Variants in DENND5B observed in about 807,000 individuals in gnomAD.
The protein encoded by DENND5B is DENN domain-containing protein 5B.
DENND5B carries 34 observed loss-of-function variants against 140.6 expected under a neutral mutation model. The observed-to-expected ratio is 0.24, with a 90% CI of 0.18 to 0.32. The LOEUF (loss-of-function observed/expected upper bound fraction) is 0.32. DENND5B is among the 10% of genes least tolerant of loss of function. The pLI is 1.00. For missense variants in DENND5B, 1,142 were observed against 1,560.2 expected, an observed-to-expected ratio of 0.73 and a Z score of 4.52; for synonymous variants, 551 against 562.1, an observed-to-expected ratio of 0.98 and a Z score of 0.28.
intron 1 of DENND5B, among the ~76,000 whole-genome samples, chr12:31,527,026 G>A (rs1193984394): frequency 6.6e-6 from 1 of 152,144 alleles, no homozygotes; most frequent in Non-Finnish European, 1.5e-5. Flanking sequence ...TGCCACCATG[G>A]TGCTTATAGT....
chr12:31,562,019 C>CT (rs1163439712), intron 1 of DENND5B, among the ~76,000 whole-genome samples: 1 of 152,220 alleles, frequency 6.6e-6, no homozygotes, highest in Non-Finnish European at 1.5e-5. Flanking sequence ...TAATTGGGTA[C>CT]TTCCCATATA....
chr12:31,530,240 GCCCATGACTGTAGT>G (rs1008478498), intron 1 of DENND5B, among the ~76,000 whole-genome samples: 2 of 152,146 alleles, frequency 1.3e-5, no homozygotes, highest in Non-Finnish European at 2.9e-5. Context: ...GGGCGTGGTG[GCCCATGACTGTAGT>G]CCCAGCTACT....
chr12:31,413,689 C>T (rs1565555432), intron 12 of DENND5B, 125 bp from the exon 13 acceptor site: 1 of 1,031,450 alleles, frequency 9.7e-7, no homozygotes, highest in Non-Finnish European at 1.3e-6. Flanking sequence ...GGATAATATA[C>T]AATTGATGTT....
intron 1 of DENND5B, among the ~76,000 whole-genome samples, chr12:31,516,477 CAAAAA>C (rs58069719): frequency 1.0e-4 from 7 of 68,668 alleles, no homozygotes; most frequent in African/African-American, 1.6e-4. Flanking sequence ...GACCCTGTCT[CAAAAA>C]AAAAAAAAAA....
chr12:31,509,003 TAAAAC>T (rs1439965993), intron 1 of DENND5B, among the ~76,000 whole-genome samples: 1 of 152,028 alleles, frequency 6.6e-6, no homozygotes, highest in Non-Finnish European at 1.5e-5. Flanking sequence ...AAAATTAACA[TAAAAC>T]AAAGCAACCA....
intron 1 of DENND5B, among the ~76,000 whole-genome samples, chr12:31,578,164 C>T (rs1555176670): frequency 7.0e-6 from 1 of 143,034 alleles, no homozygotes. Flanking sequence ...ACAACCCTAA[C>T]ATTATTAACT....
intron 1 of DENND5B, among the ~76,000 whole-genome samples, chr12:31,532,309 A>G (rs1408353501): frequency 6.6e-6 from 1 of 152,160 alleles, no homozygotes; most frequent in African/African-American, 2.4e-5. Context: ...CAAAATCAAA[A>G]TAAGCCCAAT....
chr12:31,528,053 A>G (rs1948149232), intron 1 of DENND5B, among the ~76,000 whole-genome samples: 1 of 152,218 alleles, frequency 6.6e-6, no homozygotes, highest in Admixed American at 6.5e-5. Flanking sequence ...CTGAAATCCT[A>G]AACAGGAGAA....
chr12:31,514,318 A>G (rs1487508032), intron 1 of DENND5B, among the ~76,000 whole-genome samples: 2 of 152,220 alleles, frequency 1.3e-5, no homozygotes, highest in Non-Finnish European at 2.9e-5. Context: ...AGCACACTCT[A>G]TGATGTTTGC....
chr12:31,554,320 T>G (rs1423506029), intron 1 of DENND5B, among the ~76,000 whole-genome samples: 2 of 152,246 alleles, frequency 1.3e-5, no homozygotes, highest in African/African-American at 4.8e-5. Context: ...CCTTCACTTA[T>G]GAAGCTTAGT....
Position 31,393,634 on chromosome 12 carries a change from C to T in DENND5B, c.3257-938G>A, listed in dbSNP as rs116849049. Among the ~76,000 whole-genome samples the T allele has an allele frequency of 4.9e-3, 751 of 152,300 alleles. 5 individuals carry two copies. Among genetic ancestry groups the T allele is most frequent in the Middle Eastern group, 0.01 (3 of 294 alleles). On this transcript the variant is annotated intron_variant, in intron 17 of 20. Coordinates refer to ENST00000389082, the MANE Select transcript of DENND5B (RefSeq NM_144973.4). ...ACACTATAAAGGAAAACCCATACAT[C>T]CTCATGTTTAAGAATCTCTGAATTC...
At chr12:31,488,771 ATTTG>A (rs1215152238) in intron 2 of DENND5B, among the ~76,000 whole-genome samples, 16 of 152,224 alleles carry the variant, frequency 1.1e-4, no homozygotes, top group African/African-American at 2.2e-4. Context: ...ATAAATCAAG[ATTTG>A]TTTATCACGG....
At chr12:31,563,322 C>A (rs181060846) in intron 1 of DENND5B, among the ~76,000 whole-genome samples, 1 of 152,208 alleles carries the variant, frequency 6.6e-6, no homozygotes, top group Non-Finnish European at 1.5e-5. Flanking sequence ...TGATCCTACT[C>A]TTTCTAAAAT....
At chr12:31,415,514 T>C in intron 11 of DENND5B, 66 bp from the exon 12 acceptor site, 1 of 1,319,904 alleles carries the variant, frequency 7.6e-7, no homozygotes, top group South Asian at 1.3e-5. Context: ...TCATATTAAA[T>C]ACTTTGAAAC....
intron 1 of DENND5B, among the ~76,000 whole-genome samples, chr12:31,573,151 G>C (rs1949881704): frequency 6.6e-6 from 1 of 152,108 alleles, no homozygotes; most frequent in Non-Finnish European, 1.5e-5. Context: ...TCCCACACTT[G>C]AAAGAAAACT....
chr12:31,507,923 TATTA>T (rs1233988082), intron 1 of DENND5B, among the ~76,000 whole-genome samples: 3 of 152,198 alleles, frequency 2.0e-5, no homozygotes, highest in East Asian at 1.9e-4. Flanking sequence ...AGAAACACAT[TATTA>T]ATTATTCTTA....
chr12:31,433,267 T>C lies in DENND5B; in HGVS notation c.2013-19A>G, dbSNP rs750350682. Reference sequence around the variant, plus strand: ...CCAGCGACTGAAACAATCAAATTATTTAAAAATGTGTTCCTTATCTTTAAA... The same window carrying C: ...CCAGCGACTGAAACAATCAAATTATCTAAAAATGTGTTCCTTATCTTTAAA... On this transcript the variant is annotated intron_variant, in intron 7 of 20. Coordinates refer to ENST00000389082, the MANE Select transcript of DENND5B (RefSeq NM_144973.4). The C allele has an allele frequency of 6.2e-7, 1 of 1,603,346 alleles. No homozygotes were observed. Among genetic ancestry groups the C allele is most frequent in the Non-Finnish European group, 8.5e-7 (1 of 1,175,090 alleles).
chr12:31,565,406 C>CAA (rs754072478), intron 1 of DENND5B, among the ~76,000 whole-genome samples: 1 of 152,160 alleles, frequency 6.6e-6, no homozygotes, highest in African/African-American at 2.4e-5. Flanking sequence ...CTTTTACACT[C>CAA]ACGTTGAGTC....
intron 7 of DENND5B, among the ~76,000 whole-genome samples, chr12:31,440,862 AG>A (rs1943997985): frequency 6.6e-6 from 1 of 152,116 alleles, no homozygotes; most frequent in Non-Finnish European, 1.5e-5. Context: ...CAGCCTCCCA[AG>A]TAGCTGGCAT....
Sources: allele counts gnomAD v4.1 joint callset (sites outside exome capture counted in the v4.1 genomes callset), GRCh38; gene constraint gnomAD v4.1.1; transcripts MANE v1.5; gene names NCBI Gene and HGNC (gene_info 2026-07-23, HGNC 2026-07-21).